The following URB1 variants were observed in gnomAD, a reference collection of about 807,000 sequenced individuals.
The protein encoded by URB1 is URB1 ribosome biogenesis factor.
In URB1, 197 loss-of-function variants were observed where a neutral mutation model predicts 242.3. That is an observed-to-expected ratio of 0.81 (90% confidence interval 0.72 to 0.91). The LOEUF (loss-of-function observed/expected upper bound fraction) is 0.91. Ranked by LOEUF, URB1 falls within the 40% of genes least tolerant of loss-of-function variation. The probability of loss-of-function intolerance (pLI) is 0.00; values close to 1 mark genes in which losing one functional copy is unlikely to be tolerated. For synonymous variants in URB1, 1,153 were observed against 1,201.8 expected, an observed-to-expected ratio of 0.96 and a Z score of 0.84; for missense variants, 2,721 against 2,860.5, an observed-to-expected ratio of 0.95 and a Z score of 1.11.
intron 13 of URB1, among the ~76,000 whole-genome samples, chr21:32,360,187 G>C (rs2033267901): frequency 6.6e-6 from 1 of 152,110 alleles, no homozygotes; most frequent in Non-Finnish European, 1.5e-5. Context: ...CAAACAGCTG[G>C]AATCAGGCAC....
At chr21:32,361,144 G>GAGAAA (rs1843064597) in intron 12 of URB1, 21 bp from the exon 13 acceptor site, 6 of 1,065,394 alleles carry the variant, frequency 5.6e-6, no homozygotes, top group South Asian at 2.0e-5. Flanking sequence ...AAAAGAAAAA[G>GAGAAA]AAAGAAAAAG....
intron 14 of URB1, 116 bp downstream of exon 14, chr21:32,359,680 A>T: frequency 2.3e-6 from 2 of 875,724 alleles, no homozygotes; most frequent in Non-Finnish European, 3.3e-6. Context: ...GAGAACTGTT[A>T]ACCTCTTCCG....
chr21:32,315,744 A>G (rs756090132), intron 38 of URB1, among the ~76,000 whole-genome samples: 31 of 152,220 alleles, frequency 2.0e-4, no homozygotes, highest in Non-Finnish European at 4.0e-4. Flanking sequence ...CCTCAGTGGC[A>G]TGGGTGAGGA....
Position 32,366,627 on chromosome 21 carries a change from T to C in URB1, c.1326A>G (p.Gln442=). 1.9e-6 allele frequency: 3 copies of C among 1,551,492 alleles called. No individual in the cohort carries two copies. Among genetic ancestry groups the C allele is most frequent in the Non-Finnish European group, 2.6e-6 (3 of 1,146,812 alleles). Residue 442 remains glutamine, a synonymous_variant, in exon 10 of 39, where the codon CAA becomes CAG. Transcript: ENST00000382751. ...PLVCNKSMFT[Q]ALNLDSTSVR... is the part of the protein sequence containing the mutation. ...AACCACATGGCCTTACGTTTAATGC[T>C]TGGGTGAACATGCTCTTATTGCACA...
chr21:32,366,705 A>G lies in URB1; in HGVS notation c.1248T>C (p.Phe416=). The G allele has an allele frequency of 6.4e-7, 1 of 1,551,542 alleles. No individual in the cohort carries two copies. The highest frequency in any genetic ancestry group is 8.7e-7 in the Non-Finnish European group (1 of 1,146,876). ...EISRAFQTRE[F]IPLPRLLAMV... is the part of the protein sequence containing the mutation. ...TTGCCAGGAGCCGAGGCAAGGGTATAAACTCTCTGGTCTGAAATGCCCGGG... is the reference window on the plus strand; with the variant it reads ...TTGCCAGGAGCCGAGGCAAGGGTATGAACTCTCTGGTCTGAAATGCCCGGG... Residue 416 remains phenylalanine (F), a synonymous_variant, in exon 10 of 39, where the codon TTT becomes TTC. Coordinates refer to ENST00000382751, the MANE Select transcript of URB1 (RefSeq NM_014825.3).
chr21:32,321,731 A>C, intron 34 of URB1, 70 bp downstream of exon 34: 1 of 1,534,346 alleles, frequency 6.5e-7, no homozygotes, highest in Non-Finnish European at 8.8e-7. Flanking sequence ...TACGGACTTG[A>C]CTTCCAGATA....
chr21:32,357,439 A>G, intron 15 of URB1, 98 bp downstream of exon 15: 5 of 1,234,560 alleles, frequency 4.1e-6, no homozygotes, highest in Non-Finnish European at 5.1e-6. Context: ...AACAATTCCA[A>G]TACCTCCTGA....
chr21:32,338,266 T>C (rs1486404082), intron 26 of URB1, among the ~76,000 whole-genome samples: 1 of 152,198 alleles, frequency 6.6e-6, no homozygotes, highest in Non-Finnish European at 1.5e-5. Flanking sequence ...ACTTAGGCTT[T>C]TGAAGTTCTT....
chr21:32,392,116 G>A (rs1343760115), intron 1 of URB1, among the ~76,000 whole-genome samples: 1 of 152,122 alleles, frequency 6.6e-6, no homozygotes, highest in African/African-American at 2.4e-5. Context: ...AACTGCCACT[G>A]TTTTATTTTA....
Position 32,363,154 on chromosome 21 carries a change from A to G in URB1, c.1509+2T>C. The G allele has an allele frequency of 6.4e-7, 1 of 1,551,180 alleles. No individual in the cohort carries two copies. Among genetic ancestry groups the G allele is most frequent in the Non-Finnish European group, 8.7e-7 (1 of 1,146,844 alleles). The stretch of plus-strand genomic sequence containing the variant: ...AAAGCCCAAACCCAGATCAGAGCCT[A>G]CCTTGCTCAGGGCTTCTCTGAAGAG... On this transcript the variant is annotated splice_donor_variant, in intron 11 of 38. Coordinates refer to ENST00000382751, the MANE Select transcript of URB1 (RefSeq NM_014825.3). LOFTEE classifies it high-confidence loss of function.
intron 20 of URB1, among the ~76,000 whole-genome samples, chr21:32,350,486 C>T (rs79710708): frequency 7.4e-4 from 112 of 152,360 alleles, no homozygotes; most frequent in African/African-American, 2.6e-3. Flanking sequence ...CTTGACCAGG[C>T]TGCCCTGAAA....
rs1471382787 is a variant in URB1 at position 32,382,073 on chromosome 21, C to T, written c.567+1349G>A. On this transcript the variant is annotated intron_variant, in intron 4 of 38. Coordinates refer to ENST00000382751, the MANE Select transcript of URB1 (RefSeq NM_014825.3). Reference sequence around the variant, plus strand: ...TGTGCCCTGAGACCCTGAGATGAAACGGCTTGTGTGTGGCCCTGCAGCCGG... The same window carrying T: ...TGTGCCCTGAGACCCTGAGATGAAATGGCTTGTGTGTGGCCCTGCAGCCGG... 3.9e-5 allele frequency among the ~76,000 whole-genome samples: 6 copies of T among 152,296 alleles called. 1 individual carries two copies. The highest frequency in any genetic ancestry group is 4.1e-4 in the South Asian group (2 of 4,826).
chr21:32,362,098 G>T, intron 11 of URB1, 77 bp from the exon 12 acceptor site: 1 of 1,499,058 alleles, frequency 6.7e-7, no homozygotes, highest in Admixed American at 2.2e-5. Context: ...ACATTAACAA[G>T]ATGCAAAAAA....
At chr21:32,359,774 G>C (rs1190110480) in intron 14 of URB1, 22 bp downstream of exon 14, 1 of 1,528,448 alleles carries the variant, frequency 6.5e-7, no homozygotes, top group Admixed American at 2.3e-5. Context: ...TAGGGCAGAA[G>C]ACTGGGAGTT....
At chr21:32,350,365 A>AG (rs1358252709) in intron 20 of URB1, among the ~76,000 whole-genome samples, 8 of 152,284 alleles carry the variant, frequency 5.3e-5, no homozygotes, top group African/African-American at 1.9e-4. Context: ...GAGTCCACTG[A>AG]GGTCAAGGCT....
chr21:32,315,071 G>A lies in URB1; in HGVS notation c.6663C>T (p.Tyr2221=), dbSNP rs1409856144. 4 of 1,543,144 alleles carry A rather than the reference G, an allele frequency of 2.6e-6. No homozygotes were observed. Among genetic ancestry groups the A allele is most frequent in the Admixed American group, 2.0e-5 (1 of 50,486 alleles). ...GAGCCCCCAGCCAGATGTCCTTTAT[G>A]TAGAGAGACACTAGGAATGCTGCGG... ...QASAAFLVSL[Y]IKDIWLGAQR... The change falls in exon 39 of 39, where the codon TAC becomes TAT. Residue 2221 remains tyrosine, a synonymous_variant. Coordinates refer to ENST00000382751, the MANE Select transcript of URB1 (RefSeq NM_014825.3).
intron 28 of URB1, chr21:32,335,773 C>CGAGCTCAGGCCTGCTCCCT (rs542711546): frequency 2.7e-4 from 42 of 152,768 alleles, no homozygotes; most frequent in African/African-American, 9.1e-4. Flanking sequence ...CTCAGCTCCC[C>CGAGCTCAGGCCTGCTCCCT]GAGCTCAGGC....
chr21:32,319,149 C>T, intron 36 of URB1, 68 bp downstream of exon 36: 1 of 1,455,338 alleles, frequency 6.9e-7, no homozygotes, highest in South Asian at 1.3e-5. Context: ...GACATGGTGT[C>T]CACAGGTGGC....
Position 32,392,912 on chromosome 21 carries a change from G to A in URB1, c.-2C>T. The stretch of plus-strand genomic sequence containing the variant: ...GGCCTTCCTCTTGGGGACCCCCATG[G>A]CCGAGAGGGCGGAAGCGCGACGGAA... On this transcript the variant is annotated 5_prime_UTR_variant, in exon 1 of 39. Coordinates refer to ENST00000382751, the MANE Select transcript of URB1 (RefSeq NM_014825.3). 1 of 1,511,540 alleles carries A rather than the reference G, an allele frequency of 6.6e-7. No homozygotes were observed. The highest frequency in any genetic ancestry group is 8.8e-7 in the Non-Finnish European group (1 of 1,133,044). 93.6% of individuals were successfully genotyped at this position (1,511,540 alleles called of 1,614,324 possible). A position where few individuals can be genotyped will look rare whatever the true frequency, so the allele number is the denominator to read the frequency against.
Sources: allele counts gnomAD v4.1 joint callset (sites outside exome capture counted in the v4.1 genomes callset), GRCh38; gene constraint gnomAD v4.1.1; transcripts MANE v1.5; gene names NCBI Gene and HGNC (gene_info 2026-07-23, HGNC 2026-07-21).